Variants in SETDB1 observed in about 807,000 individuals in gnomAD.
SETDB1 encodes SET domain bifurcated histone lysine methyltransferase 1, also known as histone-lysine N-methyltransferase SETDB1.
A neutral mutation model predicts 137.4 loss-of-function variants in SETDB1; 31 were observed. The observed-to-expected ratio is 0.23, with a 90% CI of 0.17 to 0.30. SETDB1 has a LOEUF of 0.30. Among genes scored for constraint, SETDB1 ranks in the 10% least tolerant of loss-of-function variants. SETDB1 has a pLI of 1.00. For synonymous variants in SETDB1, 548 were observed against 579.9 expected (o/e 0.95, Z 0.79); for missense variants, 1,113 against 1,631.5 (o/e 0.68, Z 5.47).
At position 150,950,475 on chromosome 1, in the gene SETDB1, C is replaced by T; in HGVS notation, c.1601C>T (p.Thr534Ile). 4 of 1,601,546 alleles carry T rather than the reference C, an allele frequency of 2.5e-6. No individual in the cohort carries two copies. The highest frequency in any genetic ancestry group is 3.4e-6 in the Non-Finnish European group (4 of 1,173,900). The change falls in exon 13 of 22, where the codon ACA becomes ATA. Residue 534 changes from threonine to isoleucine, a missense_variant. Thr to Ile is a moderately conservative substitution (Grantham distance 89). Coordinates refer to ENST00000692827, the MANE Select transcript of SETDB1 (RefSeq NM_001366418.1). The part of the protein sequence containing the change: ...NQTYRSPLGS[T>I]ASAPAPSALP... ...ATTTGCAGATCACCTTTAGGCTCCACAGCCTCTGCCCCAGCACCCTCAGCA... is the reference window on the plus strand; with the variant it reads ...ATTTGCAGATCACCTTTAGGCTCCATAGCCTCTGCCCCAGCACCCTCAGCA...
intron 14 of SETDB1, among the ~76,000 whole-genome samples, chr1:150,953,615 G>A (rs1289416144): frequency 6.6e-6 from 1 of 151,822 alleles, no homozygotes; most frequent in Non-Finnish European, 1.5e-5. Context: ...GATCACCTGA[G>A]GTCAGGAGTT....
At chr1:150,927,328 G>A (rs1426645464) in intron 1 of SETDB1, among the ~76,000 whole-genome samples, 1 of 152,118 alleles carries the variant, frequency 6.6e-6, no homozygotes, top group Non-Finnish European at 1.5e-5. Flanking sequence ...GTCTTGCCAT[G>A]TTGCCCAGGC....
chr1:150,935,100 C>T (rs749097693), intron 3 of SETDB1, among the ~76,000 whole-genome samples: 13 of 152,218 alleles, frequency 8.5e-5, no homozygotes, highest in African/African-American at 1.9e-4. Context: ...GGATTACAGG[C>T]GTGAGCCACT....
Position 150,927,819 on chromosome 1 carries a change from C to A in SETDB1, c.105C>A (p.Ile35=). ...AGGCAGTGGTTGAGGAACTGGGTAT[C>A]TCTATGGAGGAACTTCGGCATTTCA... ...LQQAVVEELG[I]SMEELRHFID... The change falls in exon 2 of 22, where the codon ATC becomes ATA. Residue 35 remains isoleucine (I), a synonymous_variant. Coordinates refer to ENST00000692827, the MANE Select transcript of SETDB1 (RefSeq NM_001366418.1). The A allele has an allele frequency of 6.2e-7, 1 of 1,614,152 alleles. No individual in the cohort carries two copies. The highest frequency in any genetic ancestry group is 8.5e-7 in the Non-Finnish European group (1 of 1,180,038).
At chr1:150,940,599 G>A (rs1670107458) in intron 4 of SETDB1, among the ~76,000 whole-genome samples, 1 of 151,836 alleles carries the variant, frequency 6.6e-6, no homozygotes, top group South Asian at 2.1e-4. Flanking sequence ...TAGGCGTGGT[G>A]GCTTACGCCT....
intron 19 of SETDB1, 89 bp from the exon 20 acceptor site, chr1:150,963,441 G>A (rs1056373289): frequency 6.3e-6 from 7 of 1,116,934 alleles, no homozygotes; most frequent in African/African-American, 1.6e-5. Flanking sequence ...GCAATGTTGG[G>A]AGAGAAATAG....
At chr1:150,953,161 G>C (rs1162826648) in intron 14 of SETDB1, among the ~76,000 whole-genome samples, 1 of 152,134 alleles carries the variant, frequency 6.6e-6, no homozygotes, top group Non-Finnish European at 1.5e-5. Context: ...GGAGGGTGAG[G>C]CCGAAAGATT....
chr1:150,929,836 G>C, intron 2 of SETDB1, 131 bp from the exon 3 acceptor site: 1 of 726,870 alleles, frequency 1.4e-6, no homozygotes, highest in Admixed American at 2.6e-5. Flanking sequence ...ATTCTAAACA[G>C]AGACACTTTG....
Position 150,949,773 on chromosome 1 carries a change from G to A in SETDB1, c.1583+248G>A, listed in dbSNP as rs745970061. 2.9e-4 allele frequency among the ~76,000 whole-genome samples: 44 copies of A among 152,250 alleles called. No individual in the cohort carries two copies. The Middle Eastern group carries it at 0.01, about 35-fold the overall frequency. ...TTTGTTAAAACTTCTTGTTGAACAT[G>A]GTGCCATCATTGCTAAAATAGAAAG... On this transcript the variant is annotated intron_variant, in intron 12 of 21. Coordinates refer to ENST00000692827, the MANE Select transcript of SETDB1 (RefSeq NM_001366418.1).
In SETDB1 at chr1:150,942,750, T is replaced by A. The variant is rs374945236; in HGVS notation, c.673+62T>A. ...AACCTGCACCCTCCACTGCTGATTG[T>A]TTCTTTTCCCCATAACCTTCCCATT... On this transcript the variant is annotated intron_variant, in intron 6 of 21. Transcript: ENST00000692827. 6 of 1,598,922 alleles carry A rather than the reference T, an allele frequency of 3.8e-6. No individual in the cohort carries two copies. In the African/African-American group the frequency reaches 4.0e-5, roughly 11 times the overall value.
chr1:150,945,937 A>G (rs112428792), intron 9 of SETDB1, among the ~76,000 whole-genome samples: 5,182 of 152,170 alleles, frequency 0.034, 299 homozygotes, highest in African/African-American at 0.12. Flanking sequence ...CCTGACCTCA[A>G]GTGATCCACC....
intron 16 of SETDB1, chr1:150,961,509 G>C: frequency 3.1e-6 from 1 of 322,338 alleles, no homozygotes; most frequent in Middle Eastern, 1.1e-3. Context: ...ACAAAAATTA[G>C]CCGGGCGTGG....
chr1:150,946,151 C>T (rs587670549), intron 9 of SETDB1, among the ~76,000 whole-genome samples: 4 of 152,240 alleles, frequency 2.6e-5, no homozygotes, highest in Non-Finnish European at 5.9e-5. Context: ...TCCCAAGTAG[C>T]TGTGACTACA....
At chr1:150,944,216 T>C (rs1202833141) in intron 8 of SETDB1, among the ~76,000 whole-genome samples, 1 of 152,206 alleles carries the variant, frequency 6.6e-6, no homozygotes, top group Non-Finnish European at 1.5e-5. Flanking sequence ...AGTGAGACAC[T>C]AGAAGATCAT....
chr1:150,939,851 A>G lies in SETDB1; in HGVS notation c.413-89A>G, dbSNP rs977525891. 4 of 882,262 alleles carry G rather than the reference A, an allele frequency of 4.5e-6. 1 individual carries two copies. Among genetic ancestry groups the G allele is most frequent in the Non-Finnish European group, 7.3e-6 (4 of 548,568 alleles). 54.7% of individuals were successfully genotyped at this position (882,262 alleles called of 1,614,324 possible). ...AGTTATTGTTGATAATGCTCCCATA[A>G]TAATGCTTTTGAGTAAGTTAGTTCT... On this transcript the variant is annotated intron_variant, in intron 3 of 21. Transcript: ENST00000692827.
intron 3 of SETDB1, among the ~76,000 whole-genome samples, chr1:150,935,513 C>G (rs1479093526): frequency 1.3e-5 from 2 of 151,984 alleles, no homozygotes; most frequent in African/African-American, 2.4e-5. Flanking sequence ...CATCTTTTCA[C>G]AAGTCTCTGA....
chr1:150,945,496 G>A (rs926636132), intron 9 of SETDB1, among the ~76,000 whole-genome samples: 1 of 152,040 alleles, frequency 6.6e-6, no homozygotes, highest in African/African-American at 2.4e-5. Flanking sequence ...TAACTCTTAG[G>A]TATTTTGTAC....
At chr1:150,931,444 G>A (rs1371686887) in intron 3 of SETDB1, among the ~76,000 whole-genome samples, 1 of 150,754 alleles carries the variant, frequency 6.6e-6, no homozygotes, top group Non-Finnish European at 1.5e-5. Flanking sequence ...AATTAGCTGG[G>A]CGTGGCGGCG....
rs1670807456 is a variant in SETDB1, at chr1:150,961,212, CTG to C, written c.3132+22_3132+23del. 2.5e-6 allele frequency: 4 copies of C among 1,609,568 alleles called. No homozygotes were observed. In the African/African-American group the frequency reaches 4.0e-5, roughly 16 times the overall value. On this transcript the variant is annotated intron_variant, in intron 16 of 21. Coordinates refer to ENST00000692827, the MANE Select transcript of SETDB1 (RefSeq NM_001366418.1). ...AAGAGGTAAGCAGTGGCAGAACACTCTGAGAGCTATGGCTTTAACTTTGGTGC... is the reference window on the plus strand; with the variant it reads ...AAGAGGTAAGCAGTGGCAGAACACTCAGAGCTATGGCTTTAACTTTGGTGC...
Sources: allele counts gnomAD v4.1 joint callset (sites outside exome capture counted in the v4.1 genomes callset), GRCh38; gene constraint gnomAD v4.1.1; transcripts MANE v1.5; gene names NCBI Gene and HGNC (gene_info 2026-07-23, HGNC 2026-07-21).